SERPINB12: variants seen among roughly 807,000 people sequenced by gnomAD.
SERPINB12 encodes serpin family B member 12, also known as serpin B12.
A neutral mutation model predicts 41.1 loss-of-function variants in SERPINB12; 57 were observed. The observed-to-expected ratio is 1.39, with a 90% CI of 1.12 to 1.73. The LOEUF (loss-of-function observed/expected upper bound fraction) is 1.73. Ranked by LOEUF, SERPINB12 falls within the 40% of genes most tolerant of loss-of-function variation. The pLI, the probability that SERPINB12 is intolerant of heterozygous loss-of-function variation, is 0.00. For missense variants in SERPINB12, 536 were observed against 501.9 expected, an observed-to-expected ratio of 1.07 and a Z score of -0.65; for synonymous variants, 180 against 181.3, an observed-to-expected ratio of 0.99 and a Z score of 0.06.
upstream of SERPINB12, among the ~76,000 whole-genome samples, chr18:63,541,690 C>A (rs1236261928): frequency 6.6e-6 from 1 of 151,438 alleles, no homozygotes; most frequent in Non-Finnish European, 1.5e-5. Flanking sequence ...GAGAAAGAGA[C>A]AAGGAAATGG....
intron 5 of SERPINB12, among the ~76,000 whole-genome samples, chr18:63,561,675 GTGGTACATATACACCA>G (rs1910915166): frequency 6.6e-6 from 1 of 152,190 alleles, no homozygotes; most frequent in African/African-American, 2.4e-5. Flanking sequence ...TAAAGAAAAT[GTGGTACATATACACCA>G]TGGAATACTA....
chr18:63,524,478 T>G, the SERPINB12 span, among the ~76,000 whole-genome samples: 72 of 152,024 alleles, frequency 4.7e-4, no homozygotes, highest in African/African-American at 1.7e-3. Flanking sequence ...TTAATAGAGA[T>G]GGGGTTCCAC....
chr18:63,567,097 G>T lies in SERPINB12; in HGVS notation c.*86G>T, dbSNP rs1911137361. The T allele has an allele frequency of 7.5e-7, 1 of 1,333,374 alleles. No homozygotes were observed. Among genetic ancestry groups the T allele is most frequent in the South Asian group, 1.5e-5 (1 of 68,486 alleles). The allele number at this position is 1,333,374 out of a possible 1,614,324, so 82.6% of individuals were successfully genotyped here. On this transcript the variant is annotated 3_prime_UTR_variant, in exon 8 of 8. Transcript: ENST00000382768. The stretch of plus-strand genomic sequence containing the variant: ...GCATAAGATGGGCATTTGAGTTTTT[G>T]GTAATATCTAAAGCATCTCCTTCAT...
At chr18:63,556,418 C>T (rs1910681663) in intron 2 of SERPINB12, 91 bp downstream of exon 2, 2 of 1,201,256 alleles carry the variant, frequency 1.7e-6, no homozygotes, top group East Asian at 2.4e-5. Flanking sequence ...AGCCAAGGGG[C>T]TTATTGCACC....
At chr18:63,556,391 C>T in intron 2 of SERPINB12, 64 bp downstream of exon 2, 9 of 1,502,802 alleles carry the variant, frequency 6.0e-6, no homozygotes, top group Non-Finnish European at 8.1e-6. Context: ...AAGTCAGACC[C>T]TAATCCCACT....
the SERPINB12 span, among the ~76,000 whole-genome samples, chr18:63,521,233 G>T: frequency 1.3e-5 from 2 of 152,124 alleles, no homozygotes; most frequent in African/African-American, 4.8e-5. Flanking sequence ...GCTCCATTTT[G>T]TCAAGGCTTG....
chr18:63,519,953 G>T, the SERPINB12 span, among the ~76,000 whole-genome samples: 4 of 152,116 alleles, frequency 2.6e-5, no homozygotes, highest in African/African-American at 7.2e-5. Context: ...CTGGCTCATT[G>T]TCATGGATGC....
At chr18:63,556,389 C>T (rs957649363) in intron 2 of SERPINB12, 62 bp downstream of exon 2, 7 of 1,510,308 alleles carry the variant, frequency 4.6e-6, no homozygotes, top group East Asian at 4.5e-5. Flanking sequence ...CAAAGTCAGA[C>T]CCTAATCCCA....
At chr18:63,534,912 C>G in the SERPINB12 span, among the ~76,000 whole-genome samples, 1 of 152,088 alleles carries the variant, frequency 6.6e-6, no homozygotes, top group Non-Finnish European at 1.5e-5. Context: ...GAGTGCAGAC[C>G]ACAGGCACGT....
intron 2 of SERPINB12, 27 bp from the exon 3 acceptor site, chr18:63,558,325 G>C (rs1397217201): frequency 1.9e-6 from 3 of 1,599,656 alleles, no homozygotes; most frequent in Non-Finnish European, 2.6e-6. Flanking sequence ...CATATTATCT[G>C]AAAGACCCCA....
At chr18:63,534,097 A>G in the SERPINB12 span, among the ~76,000 whole-genome samples, 1,875 of 152,230 alleles carry the variant, frequency 0.012, 31 homozygotes, top group Admixed American at 0.037. Flanking sequence ...GGCTTGTTTT[A>G]TGGCATGATT....
chr18:63,554,394 A>T (rs12968430), intron 1 of SERPINB12, among the ~76,000 whole-genome samples: 60,954 of 152,130 alleles, frequency 0.4, 14,602 homozygotes, highest in Non-Finnish European at 0.54. Context: ...ACATAATGTT[A>T]TCTTTTTGAA....
At chr18:63,519,499 T>C in the SERPINB12 span, among the ~76,000 whole-genome samples, 2 of 152,334 alleles carry the variant, frequency 1.3e-5, no homozygotes, top group South Asian at 4.1e-4. Context: ...CGCTAATTGT[T>C]CTTTGCTTCT....
chr18:63,529,699 G>A, the SERPINB12 span, among the ~76,000 whole-genome samples: 1 of 152,116 alleles, frequency 6.6e-6, no homozygotes. Context: ...GTGTGTGTGT[G>A]TGTACCTACC....
chr18:63,520,494 C>G, the SERPINB12 span, among the ~76,000 whole-genome samples: 1 of 152,164 alleles, frequency 6.6e-6, no homozygotes, highest in Admixed American at 6.6e-5. Flanking sequence ...CATCCACCCC[C>G]AGGAGATTGT....
At chr18:63,528,899 A>G in the SERPINB12 span, among the ~76,000 whole-genome samples, 1 of 152,188 alleles carries the variant, frequency 6.6e-6, no homozygotes, top group Non-Finnish European at 1.5e-5. Flanking sequence ...AGAAGATCCC[A>G]AATAAAGTCA....
intron 1 of SERPINB12, among the ~76,000 whole-genome samples, chr18:63,544,512 A>C (rs184793917): frequency 6.6e-6 from 1 of 152,256 alleles, no homozygotes; most frequent in East Asian, 1.9e-4. Flanking sequence ...GGCTAGTAAG[A>C]TTCAGCCCAG....
chr18:63,564,414 A>C (rs1911024599), intron 6 of SERPINB12, among the ~76,000 whole-genome samples: 1 of 152,196 alleles, frequency 6.6e-6, no homozygotes, highest in African/African-American at 2.4e-5. Flanking sequence ...AGTTAGCTGG[A>C]TTCATGCATT....
At chr18:63,554,302 A>G (rs539662101) in intron 1 of SERPINB12, among the ~76,000 whole-genome samples, 1 of 152,240 alleles carries the variant, frequency 6.6e-6, no homozygotes, top group Non-Finnish European at 1.5e-5. Flanking sequence ...AGGAATGATC[A>G]TATCTACCTT....
Sources: allele counts gnomAD v4.1 joint callset (sites outside exome capture counted in the v4.1 genomes callset), GRCh38; gene constraint gnomAD v4.1.1; transcripts MANE v1.5; gene names NCBI Gene and HGNC (gene_info 2026-07-23, HGNC 2026-07-21).